Variants in LINC00632 observed in about 807,000 individuals in gnomAD.
The protein encoded by LINC00632 is long independently transcribed non-coding RNA 632.
exon 5 of LINC00632, chrX:140,783,783 A>C (rs766339737): frequency 8.3e-6 from 10 of 1,209,871 alleles, no homozygotes; most frequent in Non-Finnish European, 1.1e-5. Context: ...CTTCCTGAAG[A>C]TCCACGTCTT....
exon 5 of LINC00632, among the ~76,000 whole-genome samples, chrX:140,778,793 T>A (rs1231116917): frequency 9.0e-6 from 1 of 111,619 alleles, no homozygotes; most frequent in African/African-American, 3.3e-5. Context: ...TATTATATGA[T>A]CTTAGTTGTC....
At chrX:140,730,021 C>T (rs1366510065) in intron 2 of LINC00632, among the ~76,000 whole-genome samples, 6 of 109,018 alleles carry the variant, frequency 5.5e-5, no homozygotes, top group African/African-American at 1.7e-4. Flanking sequence ...AGACTACAGG[C>T]GCACGCCACC....
intron 3 of LINC00632, among the ~76,000 whole-genome samples, chrX:140,759,724 T>G (rs1740294047): frequency 9.0e-6 from 1 of 111,061 alleles, no homozygotes; most frequent in Non-Finnish European, 1.9e-5. Flanking sequence ...GACAAATAAT[T>G]CATTCAGAAA....
At chrX:140,729,913 T>C (rs1931029755) in intron 2 of LINC00632, among the ~76,000 whole-genome samples, 2 of 103,793 alleles carry the variant, frequency 1.9e-5, no homozygotes, top group South Asian at 4.8e-4. Context: ...AGTCTTGCTT[T>C]GTCACCAGGC....
At chrX:140,735,290 T>G (rs1309794503) in intron 3 of LINC00632, among the ~76,000 whole-genome samples, 1 of 111,495 alleles carries the variant, frequency 9.0e-6, no homozygotes, top group Non-Finnish European at 1.9e-5. Context: ...TTTTGATGTT[T>G]AACAGACAAC....
exon 5 of LINC00632, among the ~76,000 whole-genome samples, chrX:140,786,533 C>T (rs1339202520): frequency 1.8e-5 from 2 of 111,448 alleles, no homozygotes; most frequent in Non-Finnish European, 3.8e-5. Flanking sequence ...AATCTGAGTG[C>T]TAACAATAGC....
chrX:140,788,330 TAAA>T (rs1336006472), exon 5 of LINC00632, among the ~76,000 whole-genome samples: 1 of 110,328 alleles, frequency 9.1e-6, no homozygotes, highest in Admixed American at 9.7e-5. Flanking sequence ...TAACATTAAA[TAAA>T]AAGGCAAGTT....
At chrX:140,761,912 G>A (rs191441539) in intron 3 of LINC00632, among the ~76,000 whole-genome samples, 34 of 111,261 alleles carry the variant, frequency 3.1e-4, no homozygotes, top group Admixed American at 1.3e-3. Flanking sequence ...ATGTAGAAAT[G>A]AGAGAGCCCA....
chrX:140,737,993 G>T (rs1931168730), intron 3 of LINC00632, among the ~76,000 whole-genome samples: 1 of 111,556 alleles, frequency 9.0e-6, no homozygotes, highest in Admixed American at 9.6e-5. Flanking sequence ...ACCCAGTGGT[G>T]GTATTGCCCA....
At chrX:140,783,164 C>G (rs1424244155) in exon 5 of LINC00632, 1 of 148,873 alleles carries the variant, frequency 6.7e-6, no homozygotes, top group African/African-American at 3.1e-5. Flanking sequence ...TACAATGTTT[C>G]CAATGTCCAG....
intron 2 of LINC00632, among the ~76,000 whole-genome samples, chrX:140,728,438 CAA>C (rs1931001999): frequency 1.8e-5 from 2 of 109,578 alleles, no homozygotes; most frequent in African/African-American, 6.7e-5. Context: ...AAATGCCCCA[CAA>C]AAAACCATGT....
At chrX:140,716,489 C>T (rs762187425) in intron 2 of LINC00632, among the ~76,000 whole-genome samples, 136 of 110,148 alleles carry the variant, frequency 1.2e-3, no homozygotes, top group African/African-American at 4.3e-3. Context: ...ACAAAAAAGG[C>T]CTACCCCAGA....
chrX:140,748,879 A>AT (rs1931369003), intron 3 of LINC00632, among the ~76,000 whole-genome samples: 1 of 23,024 alleles, frequency 4.3e-5, no homozygotes, highest in South Asian at 5.5e-3. Context: ...ATGTATATAA[A>AT]AATATATAAA....
intron 3 of LINC00632, among the ~76,000 whole-genome samples, chrX:140,754,289 A>G (rs1314615424): frequency 9.0e-6 from 1 of 110,869 alleles, no homozygotes; most frequent in East Asian, 2.8e-4. Flanking sequence ...GACCTTTCTT[A>G]TGTGCTCTGA....
intron 3 of LINC00632, among the ~76,000 whole-genome samples, chrX:140,770,784 G>A (rs930388689): frequency 4.5e-5 from 5 of 111,899 alleles, no homozygotes; most frequent in Non-Finnish European, 5.6e-5. Context: ...TTAGTGAAGC[G>A]TTATCAGAAG....
At chrX:140,712,851 G>T (rs888989308) in intron 2 of LINC00632, among the ~76,000 whole-genome samples, 2 of 107,275 alleles carry the variant, frequency 1.9e-5, no homozygotes, top group African/African-American at 6.9e-5. Context: ...TACTGATTCT[G>T]GGGGGGAAAA....
exon 5 of LINC00632, among the ~76,000 whole-genome samples, chrX:140,788,126 ATAAT>A (rs1280916104): frequency 9.2e-6 from 1 of 109,156 alleles, no homozygotes; most frequent in Non-Finnish European, 1.9e-5. Context: ...TAGCATACAA[ATAAT>A]TTATTAAAAA....
At chrX:140,784,015 T>G (rs748004168) in exon 5 of LINC00632, 1 of 1,210,986 alleles carries the variant, frequency 8.3e-7, no homozygotes, top group East Asian at 3.0e-5. Flanking sequence ...TTGTCTTCCC[T>G]TAAATCTATA....
chrX:140,786,676 T>G lies in LINC00632; in HGVS notation n.14695T>G. Among the ~76,000 whole-genome samples the G allele has an allele frequency of 5.4e-5, 6 of 111,519 alleles. 1 individual carries two copies. In the South Asian group the frequency reaches 2.2e-3, roughly 42 times the overall value. On this transcript the variant is annotated non_coding_transcript_exon_variant, in exon 5 of 5. Transcript: ENST00000648200. The stretch of plus-strand genomic sequence containing the variant: ...ACTTTTTGGTTTAGTATATTCCACT[T>G]CAAGGAATCTGTCCAAGGAAATTAT...
Sources: gnomAD v4.1 joint callset for allele counts (sites outside exome capture counted in the v4.1 genomes callset) on GRCh38, gnomAD v4.1.1 for gene constraint, MANE v1.5 for transcripts, NCBI Gene and HGNC (gene_info 2026-07-23, HGNC 2026-07-21) for gene names.